The following NFATC1 variants were observed in gnomAD, a reference collection of about 807,000 sequenced individuals.
NFATC1 encodes the protein nuclear factor of activated T cells 1, also known as nuclear factor of activated T-cells, cytoplasmic 1.
A neutral mutation model predicts 76.0 loss-of-function variants in NFATC1; 22 were observed. The ratio of observed to expected loss-of-function variants is 0.29; its 90% CI spans 0.21 to 0.41. The LOEUF (loss-of-function observed/expected upper bound fraction) is 0.41, where lower values mean the gene tolerates loss of function less well. Among genes scored for constraint, NFATC1 ranks in the 10% least tolerant of loss-of-function variants. NFATC1 has a pLI of 1.00. For synonymous variants in NFATC1, 704 were observed against 613.1 expected (o/e 1.15, Z -2.19); for missense variants, 1,357 against 1,337.7 (o/e 1.01, Z -0.23).
At position 79,524,736 on chromosome 18, in the gene NFATC1, G is replaced by A. The variant is rs2090708047; in HGVS notation, c.2783-2792G>A. On this transcript the variant is annotated intron_variant, in intron 9 of 9. Transcript: ENST00000427363. This position sits in a 1 kb window ranked among gnomAD's most constrained non-coding sequence, Gnocchi z 7.2. ...TGTGGTGGCCCCCGACGGGAACCTG[G>A]GTGGCCGGGGGACACACCGAGGAAC... 6.6e-6 allele frequency among the ~76,000 whole-genome samples: 1 copy of A among 152,054 alleles called. No homozygotes were observed. Among genetic ancestry groups the A allele is most frequent in the Admixed American group, 6.5e-5 (1 of 15,278 alleles).
chr18:79,441,660 C>T (rs1190295096), intron 3 of NFATC1, among the ~76,000 whole-genome samples: 1 of 152,110 alleles, frequency 6.6e-6, no homozygotes, highest in African/African-American at 2.4e-5. Context: ...ATGACAAGCG[C>T]TCCTGCCGCT....
chr18:79,480,508 T>C (rs1216481094), intron 8 of NFATC1, among the ~76,000 whole-genome samples: 1 of 152,188 alleles, frequency 6.6e-6, no homozygotes, highest in Non-Finnish European at 1.5e-5. Flanking sequence ...GTGGGTCGCG[T>C]GTCCCAGAGC....
intron 9 of NFATC1, among the ~76,000 whole-genome samples, chr18:79,514,832 G>A (rs754368279): frequency 6.6e-6 from 1 of 151,778 alleles, no homozygotes; most frequent in Non-Finnish European, 1.5e-5. Context: ...GATCACTTGA[G>A]CCCAGGAGTT....
intron 1 of NFATC1, among the ~76,000 whole-genome samples, chr18:79,404,554 C>G (rs918382603): frequency 6.6e-6 from 1 of 152,254 alleles, no homozygotes; most frequent in Non-Finnish European, 1.5e-5. Flanking sequence ...CCGTGGCTGT[C>G]TGGAGAGGTG....
intron 9 of NFATC1, among the ~76,000 whole-genome samples, chr18:79,503,294 A>G (rs576686892): frequency 1.3e-5 from 2 of 152,220 alleles, no homozygotes; most frequent in Non-Finnish European, 2.9e-5. Flanking sequence ...TACAGCCAGT[A>G]TGGCAAAAGA....
chr18:79,413,930 T>C (rs114057949), intron 2 of NFATC1, among the ~76,000 whole-genome samples: 1,730 of 152,294 alleles, frequency 0.011, 36 homozygotes, highest in African/African-American at 0.039. Flanking sequence ...GAGCGCCCAG[T>C]TAGGTGTGAT....
chr18:79,498,555 C>T (rs536005506), intron 9 of NFATC1, among the ~76,000 whole-genome samples: 126 of 152,282 alleles, frequency 8.3e-4, no homozygotes, highest in Non-Finnish European at 1.6e-3. Context: ...ATGCTGTAAA[C>T]ACATATACAC....
intron 3 of NFATC1, among the ~76,000 whole-genome samples, chr18:79,437,722 G>T (rs753324638): frequency 2.6e-5 from 4 of 152,240 alleles, no homozygotes; most frequent in Non-Finnish European, 5.9e-5. Flanking sequence ...CTCTGCCTGA[G>T]GGGGAGGGTC....
In NFATC1 at chr18:79,411,270, C is replaced by T. The variant is rs755862259; in HGVS notation, c.995C>T (p.Pro332Leu). 1 of 1,603,286 alleles carries T rather than the reference C, an allele frequency of 6.2e-7. No individual in the cohort carries two copies. Among genetic ancestry groups the T allele is most frequent in the South Asian group, 1.1e-5 (1 of 91,046 alleles). The stretch of plus-strand genomic sequence containing the variant: ...AGCCTGGACCTGGGAGATGGCGTCC[C>T]TGTCAAGTCCCGCAAGACCACCCTG... ...DSSLDLGDGV[P>L]VKSRKTTLEQ... The change falls in exon 2 of 10, where the codon CCT becomes CTT. Residue 332 changes from proline to leucine, a missense_variant. Pro to Leu is a moderately conservative substitution (Grantham distance 98). Coordinates refer to ENST00000427363, the MANE Select transcript of NFATC1 (RefSeq NM_001278669.2).
chr18:79,491,375 G>A (rs943244737), intron 9 of NFATC1, among the ~76,000 whole-genome samples: 4 of 152,194 alleles, frequency 2.6e-5, no homozygotes, highest in South Asian at 2.1e-4. Context: ...GGTGCCGTGC[G>A]TGCCAAGTGT....
rs150723095 is a variant in NFATC1 at position 79,479,798 on chromosome 18, C to T, written c.2093-6450C>T. 2.4e-3 allele frequency among the ~76,000 whole-genome samples: 367 copies of T among 152,352 alleles called. 1 individual carries two copies. Among genetic ancestry groups the T allele is most frequent in the African/African-American group, 8.5e-3 (355 of 41,566 alleles). On this transcript the variant is annotated intron_variant, in intron 8 of 9. Transcript: ENST00000427363. Reference sequence around the variant, plus strand: ...CCGCCCTTTGTCCCTGGCTGTGCTTCGCGGCAGTGCCCCTTAGGGCAAGGA... The same window carrying T: ...CCGCCCTTTGTCCCTGGCTGTGCTTTGCGGCAGTGCCCCTTAGGGCAAGGA...
At chr18:79,444,259 CGT>C (rs965987339) in intron 3 of NFATC1, among the ~76,000 whole-genome samples, 7 of 151,984 alleles carry the variant, frequency 4.6e-5, no homozygotes, top group East Asian at 1.9e-4. Flanking sequence ...TGTGGCTGTG[CGT>C]GTGTGTGTGC....
rs768058036 is a variant in NFATC1 at position 79,465,158 on chromosome 18, G to A, written c.1960-2292G>A. 3.3e-5 allele frequency among the ~76,000 whole-genome samples: 5 copies of A among 152,108 alleles called. No homozygotes were observed. Among genetic ancestry groups the A allele is most frequent in the Non-Finnish European group, 7.4e-5 (5 of 68,022 alleles). ...AACCCGTATTTTTTCCGGTACAGACGAGTTTCCCTCTCCCTTCCTGTTCTT... is the reference window on the plus strand; with the variant it reads ...AACCCGTATTTTTTCCGGTACAGACAAGTTTCCCTCTCCCTTCCTGTTCTT... On this transcript the variant is annotated intron_variant, in intron 7 of 9. Coordinates refer to ENST00000427363, the MANE Select transcript of NFATC1 (RefSeq NM_001278669.2). This position sits in a 1 kb window ranked among gnomAD's most constrained non-coding sequence, Gnocchi z 4.2.
rs1266705220 is a variant in NFATC1, at chr18:79,433,725, A to C, written c.1373A>C (p.His458Pro). 6.2e-7 allele frequency: 1 copy of C among 1,612,584 alleles called. No individual in the cohort carries two copies. Among genetic ancestry groups the C allele is most frequent in the African/African-American group, 1.3e-5 (1 of 75,022 alleles). Residue 458 changes from histidine to proline, a missense_variant, in exon 3 of 10, where the codon CAC becomes CCC. Coordinates refer to ENST00000427363, the MANE Select transcript of NFATC1 (RefSeq NM_001278669.2). ...GCCGTGAAGGCGTCGGCCGGAGGAC[A>C]CCCCATCGTGCAGGTAGGCACTGCG... ...RGAVKASAGG[H>P]PIVQLHGYLE...
At chr18:79,484,916 G>C (rs1246118952) in intron 8 of NFATC1, among the ~76,000 whole-genome samples, 1 of 152,266 alleles carries the variant, frequency 6.6e-6, no homozygotes, top group East Asian at 1.9e-4. Flanking sequence ...TCGAGCTGCA[G>C]GAAAACGCCG....
chr18:79,525,937 G>A (rs550583602), intron 9 of NFATC1, among the ~76,000 whole-genome samples: 18 of 152,360 alleles, frequency 1.2e-4, no homozygotes, highest in East Asian at 9.6e-4. Flanking sequence ...TCCCTGTCTC[G>A]TGCCACAGAT....
At chr18:79,489,725 C>G (rs185645702) in intron 9 of NFATC1, among the ~76,000 whole-genome samples, 7 of 152,324 alleles carry the variant, frequency 4.6e-5, no homozygotes, top group Non-Finnish European at 7.3e-5. Context: ...ATCTCGTCCA[C>G]GTACGCTTCG....
At chr18:79,403,403 G>T (rs940869858) in intron 1 of NFATC1, among the ~76,000 whole-genome samples, 8 of 152,256 alleles carry the variant, frequency 5.3e-5, no homozygotes, top group African/African-American at 1.9e-4. Context: ...CTGGCTTCTG[G>T]CTGTGTCCAC....
Position 79,458,569 on chromosome 18 carries a change from C to T in NFATC1, c.1904-2742C>T, listed in dbSNP as rs190514501. Among the ~76,000 whole-genome samples the T allele has an allele frequency of 3.8e-3, 579 of 152,346 alleles. 6 individuals are homozygous for T. The highest frequency in any genetic ancestry group is 0.013 in the African/African-American group (529 of 41,590). On this transcript the variant is annotated intron_variant, in intron 6 of 9. Coordinates refer to ENST00000427363, the MANE Select transcript of NFATC1 (RefSeq NM_001278669.2). ...TCGCGGGTGTGGCAGGGAAGCCTCC[C>T]GATGACTCAGACTGCAGGGAATTCC...
Sources: gnomAD v4.1 joint callset for allele counts (sites outside exome capture counted in the v4.1 genomes callset) on GRCh38, gnomAD v4.1.1 for gene constraint, Gnocchi (gnomAD v3.1) non-coding constraint, MANE v1.5 for transcripts, NCBI Gene and HGNC (gene_info 2026-07-23, HGNC 2026-07-21) for gene names.